C13orf42: variants seen among roughly 807,000 people sequenced by gnomAD.
C13orf42 encodes chromosome 13 open reading frame 42.
intron 1 of C13orf42, among the ~76,000 whole-genome samples, chr13:51,092,039 C>G (rs1953185628): frequency 6.6e-6 from 1 of 152,198 alleles, no homozygotes; most frequent in Non-Finnish European, 1.5e-5. Flanking sequence ...GAACATCTCA[C>G]CCACAGGGGC....
chr13:51,118,933 G>A (rs1433468046), intron 1 of C13orf42, among the ~76,000 whole-genome samples: 6 of 151,896 alleles, frequency 4.0e-5, no homozygotes, highest in African/African-American at 1.5e-4. Flanking sequence ...GTGCCCAAGT[G>A]TATGGCATGC....
intron 1 of C13orf42, among the ~76,000 whole-genome samples, chr13:51,158,360 G>C (rs1484474347): frequency 1.3e-5 from 2 of 152,216 alleles, no homozygotes; most frequent in Non-Finnish European, 2.9e-5. Flanking sequence ...AGCAAGAAAA[G>C]AGCAGGGAGG....
intron 1 of C13orf42, among the ~76,000 whole-genome samples, chr13:51,144,041 C>T (rs912870351): frequency 1.8e-4 from 28 of 152,248 alleles, no homozygotes; most frequent in African/African-American, 6.7e-4. Flanking sequence ...TGTCTTTTAA[C>T]TATGGCTCCC....
At chr13:51,113,606 G>A (rs987929478), upstream of C13orf42, among the ~76,000 whole-genome samples, 19 of 151,774 alleles carry the variant, frequency 1.3e-4, no homozygotes, top group African/African-American at 4.4e-4. Flanking sequence ...GTGTGTTTGT[G>A]TTTCAAGTAG....
intron 1 of C13orf42, among the ~76,000 whole-genome samples, chr13:51,119,977 C>CT (rs1275898349): frequency 7.9e-6 from 1 of 126,118 alleles, no homozygotes; most frequent in Non-Finnish European, 1.6e-5. Flanking sequence ...GGAATTTTTC[C>CT]TTTTAAAAAA....
At chr13:51,142,273 G>A (rs926905627) in intron 1 of C13orf42, among the ~76,000 whole-genome samples, 1 of 152,294 alleles carries the variant, frequency 6.6e-6, no homozygotes, top group Non-Finnish European at 1.5e-5. Context: ...TCCTCCCAAC[G>A]TTAATTCAGC....
chr13:51,165,647 T>C (rs372210142), intron 1 of C13orf42, among the ~76,000 whole-genome samples: 13 of 152,076 alleles, frequency 8.5e-5, no homozygotes, highest in African/African-American at 2.7e-4. Context: ...ATGGTGTAGA[T>C]AGGTCATGTG....
At chr13:51,163,905 T>A (rs2138050815) in intron 1 of C13orf42, among the ~76,000 whole-genome samples, 1 of 151,610 alleles carries the variant, frequency 6.6e-6, no homozygotes. Flanking sequence ...TGGAATAGAG[T>A]CATAAGAACA....
At chr13:51,115,706 G>T (rs1953484207), upstream of C13orf42, among the ~76,000 whole-genome samples, 1 of 152,168 alleles carries the variant, frequency 6.6e-6, no homozygotes, top group Non-Finnish European at 1.5e-5. Context: ...AAGAAGAAGG[G>T]GACGCTGAGA....
intron 1 of C13orf42, among the ~76,000 whole-genome samples, chr13:51,148,274 T>C (rs1953753881): frequency 6.6e-6 from 1 of 152,182 alleles, no homozygotes; most frequent in Non-Finnish European, 1.5e-5. Context: ...TTCATCTCTT[T>C]ACAGAGACAA....
At chr13:51,162,533 T>A (rs1186148223) in intron 1 of C13orf42, among the ~76,000 whole-genome samples, 1 of 152,228 alleles carries the variant, frequency 6.6e-6, no homozygotes, top group Non-Finnish European at 1.5e-5. Context: ...TTTTAGTTTG[T>A]CTATTTTATT....
At chr13:51,155,776 C>A (rs1953819954) in intron 1 of C13orf42, among the ~76,000 whole-genome samples, 1 of 152,234 alleles carries the variant, frequency 6.6e-6, no homozygotes, top group Non-Finnish European at 1.5e-5. Context: ...ACTTCCAAGT[C>A]TTGACTTCTG....
intron 1 of C13orf42, among the ~76,000 whole-genome samples, chr13:51,128,869 C>T (rs928617433): frequency 6.6e-6 from 1 of 152,152 alleles, no homozygotes; most frequent in Non-Finnish European, 1.5e-5. Flanking sequence ...CTGAAGGCAG[C>T]CAGTTCTTAC....
chr13:51,142,640 T>TA (rs34049676), intron 1 of C13orf42, among the ~76,000 whole-genome samples: 63,919 of 147,616 alleles, frequency 0.43, 13,833 homozygotes, highest in Middle Eastern at 0.5. Flanking sequence ...TCCTTTTTTA[T>TA]AAAAAAAAAG....
chr13:51,172,065 C>G (rs540467254), intron 1 of C13orf42: 2 of 152,276 alleles, frequency 1.3e-5, no homozygotes, highest in East Asian at 3.9e-4. Context: ...ACGTCTCCAG[C>G]ACACAAGAAC....
chr13:51,166,482 T>C (rs1428462816), intron 1 of C13orf42, among the ~76,000 whole-genome samples: 1 of 142,370 alleles, frequency 7.0e-6, no homozygotes, highest in Non-Finnish European at 1.5e-5. Context: ...TCGGGAGACA[T>C]ACCTAATGCT....
chr13:51,169,441 G>A (rs1953928238), intron 1 of C13orf42, among the ~76,000 whole-genome samples: 1 of 152,230 alleles, frequency 6.6e-6, no homozygotes, highest in South Asian at 2.1e-4. Flanking sequence ...ATTTTCTGTG[G>A]AGGAATTCAA....
intron 1 of C13orf42, among the ~76,000 whole-genome samples, chr13:51,149,560 G>A (rs1356146360): frequency 6.6e-6 from 1 of 152,016 alleles, no homozygotes; most frequent in Non-Finnish European, 1.5e-5. Flanking sequence ...AATATCCTTT[G>A]GTCTGGTCAT....
chr13:51,162,536 A>G (rs1953874486), intron 1 of C13orf42, among the ~76,000 whole-genome samples: 1 of 152,132 alleles, frequency 6.6e-6, no homozygotes, highest in African/African-American at 2.4e-5. Context: ...TAGTTTGTCT[A>G]TTTTATTTTT....
Sources: gnomAD v4.1 joint callset for allele counts (sites outside exome capture counted in the v4.1 genomes callset) on GRCh38, gnomAD v4.1.1 for gene constraint, MANE v1.5 for transcripts, NCBI Gene and HGNC (gene_info 2026-07-23, HGNC 2026-07-21) for gene names.